NT5C2: variants seen among roughly 807,000 people sequenced by gnomAD.
NT5C2 encodes 5'-nucleotidase, cytosolic II, also known as cytosolic purine 5'-nucleotidase.
Under a neutral mutation model 76.1 loss-of-function variants are expected in NT5C2, and 58 were observed. The ratio of observed to expected loss-of-function variants is 0.76; its 90% CI spans 0.62 to 0.95. The LOEUF (loss-of-function observed/expected upper bound fraction) is 0.95, where lower values mean the gene tolerates loss of function less well. Ranked by LOEUF, NT5C2 falls within the 40% of genes least tolerant of loss-of-function variation. The pLI is 0.00. For synonymous variants in NT5C2, 229 were observed against 237.4 expected (o/e 0.96, Z 0.32); for missense variants, 478 against 690.3 (o/e 0.69, Z 3.45).
At chr10:103,136,607 GA>G (rs2079303699) in intron 4 of NT5C2, among the ~76,000 whole-genome samples, 1 of 151,212 alleles carries the variant, frequency 6.6e-6, no homozygotes. Flanking sequence ...TTAAAGTTTA[GA>G]GACAGATTCA....
intron 3 of NT5C2, among the ~76,000 whole-genome samples, chr10:103,149,049 C>T (rs1354603300): frequency 2.0e-5 from 3 of 152,136 alleles, no homozygotes; most frequent in East Asian, 1.9e-4. Flanking sequence ...TTTTGTACTG[C>T]GTCCAGGGAG....
intron 3 of NT5C2, among the ~76,000 whole-genome samples, chr10:103,159,934 A>C (rs1364347355): frequency 6.6e-6 from 1 of 152,182 alleles, no homozygotes. Context: ...ATGGATATAG[A>C]AGGGCACCAG....
intron 3 of NT5C2, among the ~76,000 whole-genome samples, chr10:103,151,533 TTA>T (rs759954870): frequency 3.3e-5 from 5 of 152,046 alleles, no homozygotes; most frequent in African/African-American, 1.2e-4. Context: ...AATCAATTGA[TTA>T]TATATATGTG....
chr10:103,119,072 CAAGA>C (rs2135619909), intron 4 of NT5C2, among the ~76,000 whole-genome samples: 1 of 152,192 alleles, frequency 6.6e-6, no homozygotes, highest in Non-Finnish European at 1.5e-5. Context: ...ATAAATCTCT[CAAGA>C]ATAAGTCAGA....
intron 2 of NT5C2, among the ~76,000 whole-genome samples, chr10:103,176,890 G>T (rs2090077851): frequency 6.6e-6 from 1 of 152,122 alleles, no homozygotes. Context: ...GACTTGGTAA[G>T]AAAGCATTAG....
intron 3 of NT5C2, among the ~76,000 whole-genome samples, chr10:103,170,802 C>T (rs1371704596): frequency 6.6e-6 from 1 of 152,038 alleles, no homozygotes; most frequent in Non-Finnish European, 1.5e-5. Context: ...GTGTGGACTA[C>T]AGGCGTGAAC....
intron 18 of NT5C2, 38 bp from the exon 19 acceptor site, chr10:103,089,946 G>C: frequency 6.5e-7 from 1 of 1,531,288 alleles, no homozygotes; most frequent in Non-Finnish European, 8.8e-7. Flanking sequence ...AAAGCAGGCA[G>C]AGCAAAGTAG....
chr10:103,191,320 T>G (rs2092621258), intron 1 of NT5C2, among the ~76,000 whole-genome samples: 1 of 148,210 alleles, frequency 6.7e-6, no homozygotes, highest in Non-Finnish European at 1.5e-5. Context: ...AGGTGGAGGT[T>G]GCAATGAGCC....
At chr10:103,105,588 A>C (rs2135248950) in intron 6 of NT5C2, 118 bp downstream of exon 6, 1 of 700,852 alleles carries the variant, frequency 1.4e-6, no homozygotes, top group East Asian at 2.7e-5. Context: ...TATGTAAGGG[A>C]ATTTGCTCTT....
rs757126875 is a variant in NT5C2, at chr10:103,090,839, A to G, written c.1273-52T>C. Reference sequence around the variant, plus strand: ...TGGCTCATTCAACAAATATTTATTGAGCAGTAGTTGAATGCTAGTCTCTAT... The same window carrying G: ...TGGCTCATTCAACAAATATTTATTGGGCAGTAGTTGAATGCTAGTCTCTAT... On this transcript the variant is annotated intron_variant, in intron 17 of 18. Coordinates refer to ENST00000404739, the MANE Select transcript of NT5C2 (RefSeq NM_001351169.2). The G allele has an allele frequency of 7.5e-6, 12 of 1,602,380 alleles. No individual in the cohort carries two copies. The Admixed American group carries it at 1.2e-4, about 16-fold the overall frequency.
intron 4 of NT5C2, among the ~76,000 whole-genome samples, chr10:103,120,488 A>C (rs1360670712): frequency 1.3e-5 from 2 of 152,234 alleles, no homozygotes; most frequent in Non-Finnish European, 2.9e-5. Context: ...ATATTTCTCC[A>C]AAGAAGTTAT....
intron 6 of NT5C2, 25 bp downstream of exon 6, chr10:103,105,681 G>C (rs1164624662): frequency 2.1e-6 from 3 of 1,421,966 alleles, no homozygotes; most frequent in Admixed American, 1.8e-5. Flanking sequence ...ACATTAGAAA[G>C]AGGCTAAAGG....
Position 103,094,438 on chromosome 10 carries a change from T to A in NT5C2, c.831A>T (p.Arg277=), listed in dbSNP as rs1276881374. ...TCAAGTCAAAGTAGGACTGCCATGGTCGATGGGAGCTCCCAGGCTGGTGAA... is the reference window on the plus strand; with the variant it reads ...TCAAGTCAAAGTAGGACTGCCATGGACGATGGGAGCTCCCAGGCTGGTGAA... The part of the protein sequence containing the change: ...PHGPKPGSSH[R]PWQSYFDLIL... The change falls in exon 13 of 19, where the codon CGA becomes CGT. Residue 277 remains arginine, a synonymous_variant. Transcript: ENST00000404739. 6.2e-7 allele frequency: 1 copy of A among 1,612,128 alleles called. No individual in the cohort carries two copies.
At chr10:103,139,352 C>A in intron 4 of NT5C2, 54 bp downstream of exon 4, 1 of 1,196,804 alleles carries the variant, frequency 8.4e-7, no homozygotes, top group South Asian at 1.4e-5. Flanking sequence ...ACTGTGAACC[C>A]ACTGTGTTAT....
At position 103,093,282 on chromosome 10, in the gene NT5C2, A is replaced by G; in HGVS notation, c.1016T>C (p.Leu339Ser). The change falls in exon 15 of 19, where the codon TTG (leucine) becomes TCG (serine). Residue 339 changes from leucine to serine, a missense_variant. Leu to Ser is a moderately radical substitution (Grantham distance 145, BLOSUM62 -2). Coordinates refer to ENST00000404739, the MANE Select transcript of NT5C2 (RefSeq NM_001351169.2). ...CAAAATGTCTTTTCCCTTGGCTCCCAACAGGTCACAGATCGTATCAGAAGA... is the reference window on the plus strand; with the variant it reads ...CAAAATGTCTTTTCCCTTGGCTCCCGACAGGTCACAGATCGTATCAGAAGA... Reference protein sequence around the residue: ...GGSSDTICDLLGAKGKDILYI... With the variant: ...GGSSDTICDLSGAKGKDILYI... 6.2e-7 allele frequency: 1 copy of G among 1,606,226 alleles called. No homozygotes were observed. The highest frequency in any genetic ancestry group is 1.1e-5 in the South Asian group (1 of 88,860).
chr10:103,101,192 A>G (rs1185230024), intron 7 of NT5C2, 43 bp downstream of exon 7: 3 of 1,425,674 alleles, frequency 2.1e-6, no homozygotes, highest in Admixed American at 1.7e-5. Context: ...TAATGGTCAC[A>G]GAAGGGAAAG....
At chr10:103,183,962 G>C (rs1279345417) in intron 1 of NT5C2, among the ~76,000 whole-genome samples, 1 of 139,022 alleles carries the variant, frequency 7.2e-6, no homozygotes, top group Non-Finnish European at 1.6e-5. Context: ...TTTTTTTTTA[G>C]TTTTTTTGAG....
In NT5C2 at chr10:103,089,465, A is replaced by G; in HGVS notation, c.*207T>C. On this transcript the variant is annotated 3_prime_UTR_variant, in exon 19 of 19. Coordinates refer to ENST00000404739, the MANE Select transcript of NT5C2 (RefSeq NM_001351169.2). ...CTTATTTTCTTCTAATACAGACTCC[A>G]TTACAATTTTGGACCATCTGCAGAG... 2 of 778,672 alleles carry G rather than the reference A, an allele frequency of 2.6e-6. No homozygotes were observed. Among genetic ancestry groups the G allele is most frequent in the Non-Finnish European group, 1.9e-6 (1 of 539,858 alleles). 48.2% of individuals were successfully genotyped at this position (778,672 alleles called of 1,614,324 possible). A position where few individuals can be genotyped will look rare whatever the true frequency, so the allele number is the denominator to read the frequency against.
At chr10:103,152,254 A>C (rs2082536401) in intron 3 of NT5C2, among the ~76,000 whole-genome samples, 1 of 152,232 alleles carries the variant, frequency 6.6e-6, no homozygotes, top group Non-Finnish European at 1.5e-5. Context: ...GCAGTCCTTT[A>C]AGAAAATATA....
Sources: allele counts gnomAD v4.1 joint callset (sites outside exome capture counted in the v4.1 genomes callset), GRCh38; gene constraint gnomAD v4.1.1; transcripts MANE v1.5; gene names NCBI Gene and HGNC (gene_info 2026-07-23, HGNC 2026-07-21).